The following DSCAM variants were observed in gnomAD, a reference collection of about 807,000 sequenced individuals.
DSCAM encodes cell adhesion molecule DSCAM.
In DSCAM, 47 loss-of-function variants were observed where a neutral mutation model predicts 217.7. That is an observed-to-expected ratio of 0.22 (90% CI 0.17 to 0.28). The LOEUF (loss-of-function observed/expected upper bound fraction) is 0.28. DSCAM is among the 10% of genes least tolerant of loss of function. DSCAM has a pLI of 1.00. For synonymous variants in DSCAM, 1,056 were observed against 1,015.3 expected, an observed-to-expected ratio of 1.04 and a Z score of -0.76; for missense variants, 2,080 against 2,618.3, an observed-to-expected ratio of 0.79 and a Z score of 4.49.
chr21:40,429,391 C>G (rs1054475519), intron 3 of DSCAM, among the ~76,000 whole-genome samples: 2 of 151,956 alleles, frequency 1.3e-5, no homozygotes, highest in Non-Finnish European at 2.9e-5. Flanking sequence ...CTCAGCCTCC[C>G]GAGTAGCTGG....
chr21:40,578,760 G>A (rs946937666), intron 3 of DSCAM, among the ~76,000 whole-genome samples: 1 of 152,170 alleles, frequency 6.6e-6, no homozygotes, highest in Non-Finnish European at 1.5e-5. Flanking sequence ...CCATAGGAAG[G>A]AATAAATTAT....
intron 1 of DSCAM, among the ~76,000 whole-genome samples, chr21:40,823,623 T>G (rs897209726): frequency 2.0e-5 from 3 of 152,204 alleles, no homozygotes; most frequent in African/African-American, 7.2e-5. Context: ...CCAAAATTGA[T>G]CCCAATGATT....
chr21:40,833,628 C>T (rs1246220350), intron 1 of DSCAM, among the ~76,000 whole-genome samples: 4 of 152,300 alleles, frequency 2.6e-5, no homozygotes, highest in Middle Eastern at 6.8e-3. Context: ...GCTTCCCTTT[C>T]TTCATAAGAA....
At chr21:40,198,533 G>A (rs755872571) in intron 11 of DSCAM, among the ~76,000 whole-genome samples, 2 of 152,132 alleles carry the variant, frequency 1.3e-5, no homozygotes, top group African/African-American at 2.4e-5. Context: ...CACCCTGCCC[G>A]GTCATCCTCT....
At position 40,095,091 on chromosome 21, in the gene DSCAM, C is replaced by G. The variant is rs1018567085; in HGVS notation, c.3697-1217G>C. ...CACAGTTCCACATGGCTGGGGAGGC[C>G]TCACGATCACGGCAGAAGGTGAAAG... On this transcript the variant is annotated intron_variant, in intron 20 of 32. Transcript: ENST00000400454. Among the ~76,000 whole-genome samples, 3 of 152,110 alleles carry G rather than the reference C, an allele frequency of 2.0e-5. No individual in the cohort carries two copies. In the East Asian group the frequency reaches 5.8e-4, roughly 29 times the overall value.
chr21:40,114,759 G>T (rs1363581337), intron 20 of DSCAM, among the ~76,000 whole-genome samples: 1 of 152,328 alleles, frequency 6.6e-6, no homozygotes, highest in African/African-American at 2.4e-5. Flanking sequence ...TGAAGGATAC[G>T]AACAGACACT....
chr21:40,808,047 T>C (rs1013737696), intron 1 of DSCAM, among the ~76,000 whole-genome samples: 11 of 152,144 alleles, frequency 7.2e-5, no homozygotes, highest in African/African-American at 2.7e-4. Context: ...TGAGTCCTTC[T>C]ATGACCTCAA....
At chr21:40,242,160 T>C (rs1269263092) in intron 11 of DSCAM, among the ~76,000 whole-genome samples, 7 of 152,122 alleles carry the variant, frequency 4.6e-5, no homozygotes, top group African/African-American at 1.7e-4. Flanking sequence ...TTTTTTTTTT[T>C]TTTTTAAAAG....
chr21:40,201,079 G>A (rs58351554), intron 11 of DSCAM, among the ~76,000 whole-genome samples: 18,224 of 152,150 alleles, frequency 0.12, 2,997 homozygotes, highest in African/African-American at 0.37. Context: ...GATTATAACC[G>A]TTAATCAAAT....
At chr21:40,637,134 TATAA>T (rs2089774592) in intron 3 of DSCAM, among the ~76,000 whole-genome samples, 3 of 71,512 alleles carry the variant, frequency 4.2e-5, no homozygotes, top group Admixed American at 3.1e-4. Context: ...TATATAAATA[TATAA>T]ATATATATAT....
intron 29 of DSCAM, 61 bp downstream of exon 29, chr21:40,055,664 G>T: frequency 1.6e-6 from 2 of 1,270,562 alleles, no homozygotes; most frequent in Non-Finnish European, 2.3e-6. Flanking sequence ...CCTGGGGTTT[G>T]GATTGAGAAG....
At chr21:40,070,705 A>T (rs909353856) in intron 27 of DSCAM, among the ~76,000 whole-genome samples, 1 of 152,094 alleles carries the variant, frequency 6.6e-6, no homozygotes, top group Non-Finnish European at 1.5e-5. Flanking sequence ...AGTTCAAGTT[A>T]CCTTTTGGTT....
chr21:40,144,784 C>T lies in DSCAM; in HGVS notation c.3019-53G>A, dbSNP rs1220162429. The stretch of plus-strand genomic sequence containing the variant: ...AAGAAGTCTTGAGGTAGGACAAGAG[C>T]GAAATCAACGCCCACACCCACGTAG... On this transcript the variant is annotated intron_variant, in intron 16 of 32. Coordinates refer to ENST00000400454, the MANE Select transcript of DSCAM (RefSeq NM_001389.5). The surrounding 1 kb of genome is among the most constrained non-coding windows in gnomAD (Gnocchi z 4.8). The T allele has an allele frequency of 2.5e-6, 4 of 1,605,266 alleles. No homozygotes were observed. Among genetic ancestry groups the T allele is most frequent in the South Asian group, 1.1e-5 (1 of 90,794 alleles).
intron 3 of DSCAM, among the ~76,000 whole-genome samples, chr21:40,389,095 TTAAGA>T (rs1569099813): frequency 6.6e-6 from 1 of 152,196 alleles, no homozygotes; most frequent in Non-Finnish European, 1.5e-5. Context: ...CCCCCGTGTT[TTAAGA>T]TAATTTGCTC....
At chr21:40,310,166 G>A (rs990515639) in intron 9 of DSCAM, among the ~76,000 whole-genome samples, 2 of 152,262 alleles carry the variant, frequency 1.3e-5, no homozygotes, top group Middle Eastern at 3.4e-3. Context: ...CAATCTGAAT[G>A]TACAACAAAG....
chr21:40,731,955 G>T (rs775080137), intron 1 of DSCAM, among the ~76,000 whole-genome samples: 6 of 152,030 alleles, frequency 3.9e-5, no homozygotes, highest in African/African-American at 1.4e-4. Flanking sequence ...TCAAACTCCT[G>T]ACCTCATGAT....
rs1197805343 is a variant in DSCAM at position 40,089,766 on chromosome 21, G to A, written c.3851-2479C>T. 2.6e-5 allele frequency among the ~76,000 whole-genome samples: 4 copies of A among 152,038 alleles called. No individual in the cohort carries two copies. The East Asian group carries it at 5.8e-4, about 22-fold the overall frequency. The stretch of plus-strand genomic sequence containing the variant: ...GTGGGGGCTGCCCAACTGACTGTCT[G>A]CTCCATCCTGAGGCACTCCCTAGCT... On this transcript the variant is annotated intron_variant, in intron 21 of 32. Transcript: ENST00000400454.
At chr21:40,845,540 C>CTCTCT (rs1555894716) in intron 1 of DSCAM, among the ~76,000 whole-genome samples, 3 of 138,888 alleles carry the variant, frequency 2.2e-5, no homozygotes, top group Admixed American at 7.1e-5. Context: ...CTCTTCTTCT[C>CTCTCT]CTCTCTCTCT....
At chr21:40,720,303 A>G (rs2146505650) in intron 1 of DSCAM, among the ~76,000 whole-genome samples, 1 of 152,328 alleles carries the variant, frequency 6.6e-6, no homozygotes, top group South Asian at 2.1e-4. Context: ...AAAGCATAAC[A>G]TTTAGCTGAT....
Sources: allele counts gnomAD v4.1 joint callset (sites outside exome capture counted in the v4.1 genomes callset), GRCh38; gene constraint gnomAD v4.1.1; non-coding constraint Gnocchi (gnomAD v3.1); transcripts MANE v1.5; gene names NCBI Gene and HGNC (gene_info 2026-07-23, HGNC 2026-07-21).